Variants in KIZ observed in about 807,000 individuals in gnomAD.
KIZ encodes kizuna centrosomal protein.
A neutral mutation model predicts 79.6 loss-of-function variants in KIZ; 68 were observed. That is an observed-to-expected ratio of 0.85 (90% CI 0.70 to 1.05). KIZ has a LOEUF of 1.05. Among genes scored for constraint, KIZ ranks in the 50% least tolerant of loss-of-function variants. The pLI is 0.00. For missense variants in KIZ, 797 were observed against 800.4 expected, an observed-to-expected ratio of 1.00 and a Z score of 0.05; for synonymous variants, 280 against 281.8, an observed-to-expected ratio of 0.99 and a Z score of 0.06.
chr20:21,210,153 G>A (rs777108692), intron 7 of KIZ, among the ~76,000 whole-genome samples: 3 of 151,936 alleles, frequency 2.0e-5, no homozygotes, highest in Non-Finnish European at 4.4e-5. Context: ...ACTAAAAATA[G>A]AAAAATTAGC....
At chr20:21,211,470 C>T (rs1251678641) in intron 7 of KIZ, among the ~76,000 whole-genome samples, 1 of 152,062 alleles carries the variant, frequency 6.6e-6, no homozygotes, top group Non-Finnish European at 1.5e-5. Flanking sequence ...TTCTGGCCTC[C>T]GAAAAGAGAG....
chr20:21,193,860 TG>T (rs1175312287), intron 6 of KIZ, among the ~76,000 whole-genome samples: 3 of 61,848 alleles, frequency 4.9e-5, no homozygotes, highest in African/African-American at 2.0e-4. Flanking sequence ...TGTTGTGGGG[TG>T]GGGGGAGGGG....
chr20:21,177,269 G>A (rs1423933986), intron 6 of KIZ, among the ~76,000 whole-genome samples: 1 of 152,006 alleles, frequency 6.6e-6, no homozygotes, highest in African/African-American at 2.4e-5. Context: ...TGTTCTTTTT[G>A]TGAATAGTCG....
chr20:21,218,129 C>G (rs748761297), intron 9 of KIZ: 4 of 152,178 alleles, frequency 2.6e-5, no homozygotes, highest in African/African-American at 9.7e-5. Flanking sequence ...AATTGAGATT[C>G]AAATCCAGGA....
At chr20:21,180,201 C>G (rs1022965832) in intron 6 of KIZ, among the ~76,000 whole-genome samples, 9 of 147,438 alleles carry the variant, frequency 6.1e-5, no homozygotes, top group African/African-American at 2.2e-4. Context: ...CATTTTCAAA[C>G]TCAAAAATCT....
At chr20:21,175,971 G>C (rs2034413667) in intron 6 of KIZ, among the ~76,000 whole-genome samples, 1 of 152,050 alleles carries the variant, frequency 6.6e-6, no homozygotes, top group African/African-American at 2.4e-5. Flanking sequence ...AGCTGAGATG[G>C]TGCCACTGCA....
intron 6 of KIZ, among the ~76,000 whole-genome samples, chr20:21,177,061 A>G (rs1438389822): frequency 6.6e-6 from 1 of 151,508 alleles, no homozygotes; most frequent in South Asian, 2.1e-4. Flanking sequence ...TGTGATGAAC[A>G]CTGGAGTGCT....
At chr20:21,228,978 T>C (rs756578089) in intron 9 of KIZ, 33 bp from the exon 10 acceptor site, 16 of 1,227,960 alleles carry the variant, frequency 1.3e-5, no homozygotes, top group Non-Finnish European at 1.8e-5. Context: ...CAGTAAAAAA[T>C]GTAATATTTC....
intron 1 of KIZ, 27 bp from the exon 2 acceptor site, chr20:21,132,070 T>C: frequency 1.1e-6 from 1 of 933,744 alleles, no homozygotes; most frequent in Non-Finnish European, 1.7e-6. Context: ...TATCATGTAA[T>C]TACTTATAAA....
chr20:21,240,985 G>T (rs2037197866), intron 11 of KIZ, among the ~76,000 whole-genome samples: 1 of 152,188 alleles, frequency 6.6e-6, no homozygotes, highest in Admixed American at 6.5e-5. Flanking sequence ...GCCAACGTCT[G>T]CCTTACAAGA....
At chr20:21,190,909 C>A (rs2035078941) in intron 6 of KIZ, among the ~76,000 whole-genome samples, 1 of 152,156 alleles carries the variant, frequency 6.6e-6, no homozygotes, top group African/African-American at 2.4e-5. Flanking sequence ...AAAGCTGGAA[C>A]TACACATCAG....
At chr20:21,134,310 A>G (rs1367186977) in intron 2 of KIZ, among the ~76,000 whole-genome samples, 1 of 152,110 alleles carries the variant, frequency 6.6e-6, no homozygotes, top group African/African-American at 2.4e-5. Context: ...ATGTTTTGTA[A>G]TGTGGTATAA....
chr20:21,167,334 T>C (rs1425073548), intron 6 of KIZ, among the ~76,000 whole-genome samples: 1 of 152,198 alleles, frequency 6.6e-6, no homozygotes, highest in Non-Finnish European at 1.5e-5. Flanking sequence ...TCAGGGTTCC[T>C]TGTGGGAACA....
chr20:21,214,758 T>A, intron 8 of KIZ, 58 bp downstream of exon 8: 1 of 1,094,382 alleles, frequency 9.1e-7, no homozygotes, highest in Non-Finnish European at 1.4e-6. Flanking sequence ...CATCATCATC[T>A]TTCTCAAGGT....
intron 6 of KIZ, among the ~76,000 whole-genome samples, chr20:21,168,697 A>C (rs987103728): frequency 6.6e-6 from 1 of 152,224 alleles, no homozygotes; most frequent in African/African-American, 2.4e-5. Flanking sequence ...ACAAGGCTAC[A>C]GTAACCAAAA....
At chr20:21,194,066 C>T (rs971913431) in intron 6 of KIZ, 6 of 152,082 alleles carry the variant, frequency 3.9e-5, no homozygotes, top group Non-Finnish European at 8.8e-5. Context: ...TTCCCAATAG[C>T]CTGGAGTGGA....
intron 6 of KIZ, among the ~76,000 whole-genome samples, chr20:21,184,157 T>TG (rs2034776738): frequency 6.6e-6 from 1 of 151,674 alleles, no homozygotes; most frequent in African/African-American, 2.4e-5. Flanking sequence ...TTTTTTTTTT[T>TG]TTTTTTTGAG....
chr20:21,202,329 G>A (rs2035631537), intron 6 of KIZ: 1 of 152,200 alleles, frequency 6.6e-6, no homozygotes, highest in Non-Finnish European at 1.5e-5. Context: ...GAATGGGCTA[G>A]AATTTGCTGA....
At chr20:21,133,926 G>A (rs1024931880) in intron 2 of KIZ, among the ~76,000 whole-genome samples, 7 of 152,286 alleles carry the variant, frequency 4.6e-5, no homozygotes, top group South Asian at 4.1e-4. Flanking sequence ...TATTCCTACC[G>A]GTTTCTGACC....
Sources: gnomAD v4.1 joint callset for allele counts (sites outside exome capture counted in the v4.1 genomes callset) on GRCh38, gnomAD v4.1.1 for gene constraint, MANE v1.5 for transcripts, NCBI Gene and HGNC (gene_info 2026-07-23, HGNC 2026-07-21) for gene names.